Variants in PCDHA8 observed in about 807,000 individuals in gnomAD.
The protein encoded by PCDHA8 is protocadherin alpha 8.
In PCDHA8, 53 loss-of-function variants were observed where a neutral mutation model predicts 61.8. The ratio of observed to expected loss-of-function variants is 0.86; its 90% CI spans 0.69 to 1.08. The LOEUF is 1.08. PCDHA8 is among the 50% of genes least tolerant of loss of function. The pLI, the probability that PCDHA8 is intolerant of heterozygous loss-of-function variation, is 0.00. For synonymous variants in PCDHA8, 618 were observed against 556.6 expected (o/e 1.11, Z -1.55); for missense variants, 1,293 against 1,245.0 (o/e 1.04, Z -0.58).
chr5:140,968,951 A>G, intron 1 of PCDHA8: 4 of 1,614,228 alleles, frequency 2.5e-6, no homozygotes, highest in Non-Finnish European at 3.4e-6. Context: ...TTTGAGCATC[A>G]TCAAGTGCTA....
At chr5:140,884,206 C>T (rs1554181328) in intron 1 of PCDHA8, 1 of 1,613,542 alleles carries the variant, frequency 6.2e-7, no homozygotes, top group Admixed American at 1.7e-5. Context: ...CGCACCACCG[C>T]CTTCTGGTGC....
At chr5:141,004,013 G>C (rs1327248207) in intron 3 of PCDHA8, among the ~76,000 whole-genome samples, 4 of 152,124 alleles carry the variant, frequency 2.6e-5, no homozygotes, top group African/African-American at 9.7e-5. Context: ...AGGCAGCACT[G>C]AAAGAAGAAA....
At position 141,009,749 on chromosome 5, in the gene PCDHA8, A is replaced by G. The variant is rs2098414176; in HGVS notation, c.2665A>G (p.Ile889Val). Residue 889 changes from isoleucine to valine, a missense_variant, in exon 4 of 4, where the codon ATT (isoleucine) becomes GTT (valine). Ile to Val is a conservative substitution (Grantham distance 29). Transcript: ENST00000531613. ...SGPGELPDKFIIPGSPAIISI... is the reference protein window; with the variant it reads ...SGPGELPDKFVIPGSPAIISI... The stretch of plus-strand genomic sequence containing the variant: ...TCCCGGTGAGTTGCCCGACAAATTC[A>G]TTATCCCAGGATCTCCTGCAATCAT... 3 of 1,614,200 alleles carry G rather than the reference A, an allele frequency of 1.9e-6. No homozygotes were observed. The highest frequency in any genetic ancestry group is 1.6e-4 in the Middle Eastern group (1 of 6,062).
At chr5:140,903,714 A>G (rs1159490924) in intron 1 of PCDHA8, among the ~76,000 whole-genome samples, 3 of 152,324 alleles carry the variant, frequency 2.0e-5, no homozygotes, top group African/African-American at 2.4e-5. Context: ...AAAATATACA[A>G]TTCTCCCTAT....
Position 140,841,791 on chromosome 5 carries a change from C to A in PCDHA8, c.470C>A (p.Ala157Glu). 6.2e-7 allele frequency: 1 copy of A among 1,613,854 alleles called. No homozygotes were observed. Among genetic ancestry groups the A allele is most frequent in the Non-Finnish European group, 8.5e-7 (1 of 1,179,852 alleles). ...MPDSRFPLEG[A>E]SDADVGANSV... is the part of the protein sequence containing the mutation. ...GACTCTCGGTTTCCGCTAGAGGGCG[C>A]GTCCGATGCAGATGTTGGAGCTAAC... Residue 157 changes from alanine to glutamate, a missense_variant, in exon 1 of 4, where the codon GCG becomes GAG. Transcript: ENST00000531613.
intron 1 of PCDHA8, among the ~76,000 whole-genome samples, chr5:140,907,826 C>T (rs1448630927): frequency 6.6e-6 from 1 of 152,192 alleles, no homozygotes; most frequent in Non-Finnish European, 1.5e-5. Context: ...TCATCCTATC[C>T]ACTTGTTTAT....
intron 3 of PCDHA8, among the ~76,000 whole-genome samples, chr5:140,996,371 C>G (rs1183587138): frequency 6.6e-6 from 1 of 152,126 alleles, no homozygotes; most frequent in Admixed American, 6.6e-5. Context: ...ATTTTGTTGT[C>G]GGCTGAAATA....
intron 1 of PCDHA8, chr5:140,967,193 G>A (rs1190093681): frequency 6.2e-7 from 1 of 1,613,392 alleles, no homozygotes; most frequent in Non-Finnish European, 8.5e-7. Flanking sequence ...GGACATCAAC[G>A]ACAACTCACC....
chr5:140,921,282 A>C (rs1208744523), intron 1 of PCDHA8, among the ~76,000 whole-genome samples: 1 of 152,224 alleles, frequency 6.6e-6, no homozygotes, highest in Non-Finnish European at 1.5e-5. Flanking sequence ...CTTGAAAAAA[A>C]CCTCAAATTT....
At chr5:140,898,445 G>GAA (rs1317860515) in intron 1 of PCDHA8, among the ~76,000 whole-genome samples, 7 of 152,126 alleles carry the variant, frequency 4.6e-5, no homozygotes, top group Admixed American at 3.3e-4. Flanking sequence ...ATTAAATAGG[G>GAA]AATCCTTTCC....
At chr5:140,994,325 A>G (rs879964488) in intron 3 of PCDHA8, among the ~76,000 whole-genome samples, 8 of 152,190 alleles carry the variant, frequency 5.3e-5, no homozygotes, top group African/African-American at 7.2e-5. Flanking sequence ...ACTCTCAGCA[A>G]CCATGAACAG....
intron 1 of PCDHA8, among the ~76,000 whole-genome samples, chr5:140,969,915 GC>G (rs1181399848): frequency 2.0e-5 from 3 of 152,192 alleles, no homozygotes; most frequent in African/African-American, 7.2e-5. Flanking sequence ...AAGTGATAAA[GC>G]TGTAGTATTT....
At chr5:140,958,587 A>G (rs530889375) in intron 1 of PCDHA8, among the ~76,000 whole-genome samples, 36 of 152,292 alleles carry the variant, frequency 2.4e-4, no homozygotes, top group African/African-American at 8.2e-4. Context: ...AAATGAGCTT[A>G]TGATAATTGG....
At chr5:140,995,629 T>C (rs1333793289) in intron 3 of PCDHA8, among the ~76,000 whole-genome samples, 1 of 152,164 alleles carries the variant, frequency 6.6e-6, no homozygotes, top group Admixed American at 6.5e-5. Context: ...TTGGAAACTT[T>C]GGAGTGTTTA....
chr5:140,952,379 G>T (rs1384901092), intron 1 of PCDHA8, among the ~76,000 whole-genome samples: 1 of 151,322 alleles, frequency 6.6e-6, no homozygotes, highest in Non-Finnish European at 1.5e-5. Flanking sequence ...TCCTCTGCCA[G>T]GTACCCTAAA....
intron 1 of PCDHA8, among the ~76,000 whole-genome samples, chr5:140,932,592 T>C (rs1435571468): frequency 7.2e-5 from 11 of 151,922 alleles, no homozygotes; most frequent in Non-Finnish European, 2.9e-5. Context: ...AGATGTTTTG[T>C]ATATCTATTT....
chr5:141,010,001 A>G lies in PCDHA8; in HGVS notation c.*64A>G. The G allele has an allele frequency of 6.4e-7, 1 of 1,574,588 alleles. No homozygotes were observed. The highest frequency in any genetic ancestry group is 8.6e-7 in the Non-Finnish European group (1 of 1,164,348). On this transcript the variant is annotated 3_prime_UTR_variant, in exon 4 of 4. Transcript: ENST00000531613. ...TAATAATGGCAAATCTCTCCCATGT[A>G]GCAATTCCCTGCTCCTTTTTCCTAT...
rs190994194 is a variant in PCDHA8, at chr5:140,913,276, C to T, written c.2395-65673C>T. On this transcript the variant is annotated intron_variant, in intron 1 of 3. Transcript: ENST00000531613. ...TTTGATCTAATTACTTGTTATTGGTCTGTTTAGGTTTTAATTTCTTCATAG... is the reference window on the plus strand; with the variant it reads ...TTTGATCTAATTACTTGTTATTGGTTTGTTTAGGTTTTAATTTCTTCATAG... Among the ~76,000 whole-genome samples, 291 of 152,186 alleles carry T rather than the reference C, an allele frequency of 1.9e-3. 1 individual carries two copies. The highest frequency in any genetic ancestry group is 0.01 in the Middle Eastern group (3 of 294).
intron 1 of PCDHA8, among the ~76,000 whole-genome samples, chr5:140,899,285 A>T (rs2067252506): frequency 6.6e-6 from 1 of 152,132 alleles, no homozygotes; most frequent in African/African-American, 2.4e-5. Context: ...CAAAGGGAAT[A>T]CTTCCAGTTT....
Sources: allele counts gnomAD v4.1 joint callset (sites outside exome capture counted in the v4.1 genomes callset), GRCh38; gene constraint gnomAD v4.1.1; transcripts MANE v1.5; gene names NCBI Gene and HGNC (gene_info 2026-07-23, HGNC 2026-07-21).